The following ENPP6 variants were observed in gnomAD, a reference collection of about 807,000 sequenced individuals.
ENPP6 encodes the protein ectonucleotide pyrophosphatase/phosphodiesterase 6, also known as glycerophosphocholine cholinephosphodiesterase ENPP6.
A neutral mutation model predicts 42.0 loss-of-function variants in ENPP6; 32 were observed. That is an observed-to-expected ratio of 0.76 (90% CI 0.58 to 1.02). The LOEUF is 1.02. ENPP6 is among the 50% of genes least tolerant of loss of function. The probability of loss-of-function intolerance (pLI) is 0.00; values close to 1 mark genes in which losing one functional copy is unlikely to be tolerated. For synonymous variants in ENPP6, 213 were observed against 216.0 expected (o/e 0.99, Z 0.12); for missense variants, 552 against 566.8 (o/e 0.97, Z 0.27).
chr4:184,153,780 C>G (rs765978536), intron 1 of ENPP6, 47 bp from the exon 2 acceptor site: 1 of 1,570,142 alleles, frequency 6.4e-7, no homozygotes, highest in Non-Finnish European at 8.6e-7. Flanking sequence ...CTGGTGGTTT[C>G]TATTTTTATC....
intron 1 of ENPP6, among the ~76,000 whole-genome samples, chr4:184,177,605 C>A (rs776759561): frequency 1.3e-5 from 2 of 152,212 alleles, no homozygotes; most frequent in African/African-American, 4.8e-5. Context: ...TATACAGGAG[C>A]ATTCCCACTG....
intron 7 of ENPP6, among the ~76,000 whole-genome samples, chr4:184,095,979 A>G (rs79945389): frequency 0.028 from 4,293 of 152,216 alleles, 166 homozygotes; most frequent in African/African-American, 0.086. Flanking sequence ...GGTTAAAGGT[A>G]GCATGTTCAG....
intron 6 of ENPP6, among the ~76,000 whole-genome samples, chr4:184,108,612 A>G (rs1347687790): frequency 6.6e-6 from 1 of 152,248 alleles, no homozygotes; most frequent in Admixed American, 6.5e-5. Context: ...CCAATGTTAT[A>G]TTAAAGTAGA....
At chr4:184,158,859 C>T (rs1375750813) in intron 1 of ENPP6, among the ~76,000 whole-genome samples, 9 of 152,116 alleles carry the variant, frequency 5.9e-5, no homozygotes, top group Admixed American at 5.9e-4. Flanking sequence ...ATAAATTCAC[C>T]ATCACTAAGG....
At chr4:184,145,008 C>T (rs1182475634) in intron 2 of ENPP6, among the ~76,000 whole-genome samples, 2 of 152,344 alleles carry the variant, frequency 1.3e-5, no homozygotes, top group South Asian at 2.1e-4. Flanking sequence ...AGGGCAGGCC[C>T]AGGGAAGGAT....
intron 3 of ENPP6, among the ~76,000 whole-genome samples, chr4:184,118,461 C>T (rs528875083): frequency 6.8e-4 from 104 of 152,342 alleles, no homozygotes; most frequent in African/African-American, 2.4e-3. Context: ...AAGGCTATTA[C>T]TCTATTCACA....
intron 1 of ENPP6, among the ~76,000 whole-genome samples, chr4:184,170,926 T>G (rs1361391508): frequency 6.6e-6 from 1 of 152,140 alleles, no homozygotes; most frequent in Non-Finnish European, 1.5e-5. Context: ...CAAAATCCCT[T>G]CCCAGTAGAA....
At chr4:184,100,234 A>G (rs1289453258) in intron 6 of ENPP6, among the ~76,000 whole-genome samples, 2 of 152,214 alleles carry the variant, frequency 1.3e-5, no homozygotes, top group Non-Finnish European at 2.9e-5. Flanking sequence ...CTCAGCCTTC[A>G]TTTCACAATG....
At chr4:184,172,856 G>C (rs562558091) in intron 1 of ENPP6, among the ~76,000 whole-genome samples, 5 of 152,098 alleles carry the variant, frequency 3.3e-5, no homozygotes, top group African/African-American at 1.2e-4. Context: ...ATGTACATTC[G>C]TTCACCGTCT....
intron 1 of ENPP6, among the ~76,000 whole-genome samples, chr4:184,189,289 A>T (rs2111106499): frequency 6.6e-6 from 1 of 152,256 alleles, no homozygotes; most frequent in East Asian, 1.9e-4. Flanking sequence ...TCCCAAAAAG[A>T]ATTAGACTTT....
At chr4:184,187,418 C>T (rs750114033) in intron 1 of ENPP6, among the ~76,000 whole-genome samples, 5 of 152,216 alleles carry the variant, frequency 3.3e-5, no homozygotes, top group Non-Finnish European at 7.3e-5. Context: ...CCACTGCACA[C>T]CGCTCAGACC....
At chr4:184,093,736 C>G (rs62340075) in intron 7 of ENPP6, among the ~76,000 whole-genome samples, 51,350 of 151,466 alleles carry the variant, frequency 0.34, 10,580 homozygotes, top group East Asian at 0.62. Flanking sequence ...GTATCCCAGC[C>G]CCTCTCAGGC....
chr4:184,162,447 A>C (rs1046921932), intron 1 of ENPP6, among the ~76,000 whole-genome samples: 2 of 152,174 alleles, frequency 1.3e-5, no homozygotes, highest in African/African-American at 4.8e-5. Context: ...TAAATGGGAG[A>C]GTAAGTTATT....
chr4:184,142,688 C>A (rs1220820040), intron 2 of ENPP6, among the ~76,000 whole-genome samples: 1 of 152,214 alleles, frequency 6.6e-6, no homozygotes, highest in Admixed American at 6.5e-5. Context: ...TGAAAATGAC[C>A]TACTGGGCAC....
At chr4:184,150,050 T>A (rs901865783) in intron 2 of ENPP6, among the ~76,000 whole-genome samples, 1 of 152,156 alleles carries the variant, frequency 6.6e-6, no homozygotes, top group African/African-American at 2.4e-5. Flanking sequence ...CAGCTCTTAC[T>A]CCTTGCAGTA....
intron 1 of ENPP6, among the ~76,000 whole-genome samples, chr4:184,169,170 C>T (rs1376428892): frequency 1.3e-5 from 2 of 152,210 alleles, no homozygotes; most frequent in Non-Finnish European, 2.9e-5. Flanking sequence ...CATTCAGGAG[C>T]GTCTGTGACC....
In ENPP6 at chr4:184,162,236, C is replaced by A. The variant is rs149978792; in HGVS notation, c.242-8503G>T. Among the ~76,000 whole-genome samples the A allele has an allele frequency of 3.3e-5, 5 of 152,228 alleles. No homozygotes were observed. The East Asian group carries it at 7.7e-4, about 23-fold the overall frequency. The stretch of plus-strand genomic sequence containing the variant: ...GTTTTCTCAAAAGCAGTTCAGCCCT[C>A]CAGTGTTCTTGTTCAACTTATATTT... On this transcript the variant is annotated intron_variant, in intron 1 of 7. Coordinates refer to ENST00000296741, the MANE Select transcript of ENPP6 (RefSeq NM_153343.4).
At chr4:184,100,518 T>C (rs1178255695) in intron 6 of ENPP6, among the ~76,000 whole-genome samples, 3 of 152,168 alleles carry the variant, frequency 2.0e-5, no homozygotes, top group African/African-American at 7.2e-5. Flanking sequence ...CCTCCAGATC[T>C]GGCCGAAGGT....
In ENPP6 at chr4:184,099,540, G is replaced by C. The variant is rs139278521; in HGVS notation, c.994-2172C>G. On this transcript the variant is annotated intron_variant, in intron 6 of 7. Transcript: ENST00000296741. The stretch of plus-strand genomic sequence containing the variant: ...CCCCTGGCCATGGGGCCAGGTGCCC[G>C]GGCAGTATGCAGCCGGGCAGTGTGG... 7.7e-3 allele frequency among the ~76,000 whole-genome samples: 1,177 copies of C among 152,290 alleles called. 21 individuals carry two copies. The highest frequency in any genetic ancestry group is 0.027 in the African/African-American group (1,102 of 41,546).
Sources: gnomAD v4.1 joint callset for allele counts (sites outside exome capture counted in the v4.1 genomes callset) on GRCh38, gnomAD v4.1.1 for gene constraint, MANE v1.5 for transcripts, NCBI Gene and HGNC (gene_info 2026-07-23, HGNC 2026-07-21) for gene names.